CSRNP2: variants seen among roughly 807,000 people sequenced by gnomAD.
CSRNP2 encodes the protein cysteine and serine rich nuclear protein 2.
A neutral mutation model predicts 36.6 loss-of-function variants in CSRNP2; 11 were observed. The observed-to-expected ratio is 0.30, with a 90% CI of 0.19 to 0.50. The LOEUF (loss-of-function observed/expected upper bound fraction) is 0.50, where lower values mean the gene tolerates loss of function less well. Among genes scored for constraint, CSRNP2 ranks in the 20% least tolerant of loss-of-function variants. The pLI is 0.98. For missense variants in CSRNP2, 483 were observed against 691.4 expected, an observed-to-expected ratio of 0.70 and a Z score of 3.38; for synonymous variants, 248 against 275.3, an observed-to-expected ratio of 0.90 and a Z score of 0.98.
In CSRNP2 at chr12:51,064,059, G is replaced by A. The variant is rs771239042; in HGVS notation, c.1319C>T (p.Ser440Leu). ...ATCCTTCTCCTTTGGGAAAGAGGCT[G>A]AGCCTTCTTCCGTACCAGGCTCTCC... ...VKGEPGTEEG[S>L]ASFPKEKDLN... Residue 440 changes from serine to leucine, a missense_variant, in exon 5 of 5, where the codon TCA becomes TTA. By Grantham distance (145) the Ser-to-Leu change is moderately radical (BLOSUM62 -2). Around this residue, in one of 2 missense-constraint regions of CSRNP2, gnomAD observed 277 missense variants for 323.6 expected, o/e 0.86. Transcript: ENST00000228515. 1 of 1,614,232 alleles carries A rather than the reference G, an allele frequency of 6.2e-7. No individual in the cohort carries two copies. Among genetic ancestry groups the A allele is most frequent in the Non-Finnish European group, 8.5e-7 (1 of 1,180,032 alleles).
chr12:51,066,402 G>A (rs1938305464), intron 4 of CSRNP2, among the ~76,000 whole-genome samples: 1 of 148,254 alleles, frequency 6.7e-6, no homozygotes, highest in East Asian at 2.0e-4. Flanking sequence ...GCAGCGAGCC[G>A]AGATCACGCG....
At chr12:51,079,997 C>T (rs1165304956) in intron 1 of CSRNP2, among the ~76,000 whole-genome samples, 2 of 137,832 alleles carry the variant, frequency 1.5e-5, no homozygotes, top group African/African-American at 5.3e-5. Flanking sequence ...CGCTTGAACC[C>T]AGGAGGCGGA....
At chr12:51,081,010 C>T (rs1020311995) in intron 1 of CSRNP2, among the ~76,000 whole-genome samples, 13 of 152,046 alleles carry the variant, frequency 8.6e-5, no homozygotes, top group Non-Finnish European at 1.8e-4. Flanking sequence ...AAAATTGGCC[C>T]GGCATGGTGG....
chr12:51,082,064 G>A (rs922660519), intron 1 of CSRNP2, among the ~76,000 whole-genome samples: 1 of 152,218 alleles, frequency 6.6e-6, no homozygotes, highest in African/African-American at 2.4e-5. Context: ...GATGGTCAGG[G>A]CTACCATCTG....
intron 3 of CSRNP2, among the ~76,000 whole-genome samples, chr12:51,069,185 C>T (rs1292663341): frequency 6.6e-6 from 1 of 151,920 alleles, no homozygotes; most frequent in African/African-American, 2.4e-5. Flanking sequence ...CCGTGTTAGC[C>T]AGGATGGTCT....
In CSRNP2 at chr12:51,076,583, G is replaced by A. The variant is rs1238748180; in HGVS notation, c.-22C>T. Reference sequence around the variant, plus strand: ...CCATTGGTTTCAAAGGGGTTTCCTTGGGGAGCCCACCAAGTTGGCCCCAAA... The same window carrying A: ...CCATTGGTTTCAAAGGGGTTTCCTTAGGGAGCCCACCAAGTTGGCCCCAAA... On this transcript the variant is annotated 5_prime_UTR_variant, in exon 2 of 5. Transcript: ENST00000228515. The A allele has an allele frequency of 5.6e-6, 9 of 1,613,354 alleles. No individual in the cohort carries two copies. Among genetic ancestry groups the A allele is most frequent in the Middle Eastern group, 1.7e-4 (1 of 6,048 alleles).
intron 1 of CSRNP2, chr12:51,082,959 C>T (rs905540998): frequency 3.3e-5 from 5 of 152,878 alleles, no homozygotes; most frequent in African/African-American, 1.2e-4. Flanking sequence ...AATTCCCAAC[C>T]ACTCCTCCCA....
rs374177983 is a variant in CSRNP2, at chr12:51,064,451, C to G, written c.927G>C (p.Glu309Asp). Residue 309 changes from glutamate to aspartate, a missense_variant, in exon 5 of 5, where the codon GAG becomes GAC. Physicochemically the swap from Glu to Asp is conservative, Grantham distance 45. Transcript: ENST00000228515. ...CAATGAACTCCTGGAAGTCCTGGGT[C>G]TCAGAGCCCTGTGCTCCTGTCAGGC... Reference protein sequence around the residue: ...SCSLTGAQGSETQDFQEFIAE... With the variant: ...SCSLTGAQGSDTQDFQEFIAE... The G allele has an allele frequency of 6.2e-7, 1 of 1,610,306 alleles. No individual in the cohort carries two copies. The highest frequency in any genetic ancestry group is 8.5e-7 in the Non-Finnish European group (1 of 1,177,570).
At position 51,067,592 on chromosome 12, in the gene CSRNP2, G is replaced by T; in HGVS notation, c.708+81C>A. The T allele has an allele frequency of 1.5e-6, 2 of 1,378,382 alleles. No individual in the cohort carries two copies. Among genetic ancestry groups the T allele is most frequent in the Non-Finnish European group, 1.0e-6 (1 of 989,786 alleles). The allele number at this position is 1,378,382 out of a possible 1,614,324, so 85.4% of individuals were successfully genotyped here. A position where few individuals can be genotyped will look rare whatever the true frequency, so the allele number is the denominator to read the frequency against. ...CCATAGGGAATCCACCCCTGAATGGGCCTCCCATGTTCAGTGGCACCCACA... is the reference window on the plus strand; with the variant it reads ...CCATAGGGAATCCACCCCTGAATGGTCCTCCCATGTTCAGTGGCACCCACA... On this transcript the variant is annotated intron_variant, in intron 4 of 4. Transcript: ENST00000228515. The surrounding 1 kb of genome is among the most constrained non-coding windows in gnomAD (Gnocchi z 4.1).
chr12:51,075,910 C>G (rs1039255547), intron 2 of CSRNP2, among the ~76,000 whole-genome samples: 3 of 152,070 alleles, frequency 2.0e-5, no homozygotes, highest in African/African-American at 4.8e-5. Flanking sequence ...ATTAGGCGGG[C>G]GTGGTGGCAG....
intron 3 of CSRNP2, among the ~76,000 whole-genome samples, chr12:51,068,253 G>A (rs1938606850): frequency 6.6e-6 from 1 of 152,160 alleles, no homozygotes; most frequent in Admixed American, 6.5e-5. Flanking sequence ...CGCCTCCCGG[G>A]TTCAAGCGAT....
rs923309039 is a variant in CSRNP2 at position 51,073,300 on chromosome 12, G to A, written c.411+523C>T. Among the ~76,000 whole-genome samples, 8 of 152,086 alleles carry A rather than the reference G, an allele frequency of 5.3e-5. No individual in the cohort carries two copies. The East Asian group carries it at 1.5e-3, about 29-fold the overall frequency. On this transcript the variant is annotated intron_variant, in intron 3 of 4. Coordinates refer to ENST00000228515, the MANE Select transcript of CSRNP2 (RefSeq NM_030809.3). ...GGGTTTGGGAGGGGGAAATTCTAGG[G>A]AAGCCATTTTGCTATATCTGGTAGA...
rs1026908828 is a variant in CSRNP2 at position 51,063,100 on chromosome 12, A to G, written c.*646T>C. 8 of 152,228 alleles carry G rather than the reference A, an allele frequency of 5.3e-5. No individual in the cohort carries two copies. Among genetic ancestry groups the G allele is most frequent in the African/African-American group, 1.7e-4 (7 of 41,458 alleles). The allele number at this position is 152,228 out of a possible 1,614,324, so 9.4% of individuals were successfully genotyped here. ...TACTTAAGAACATGTGGAAGAAACAATTCAAGTTACAGACCAGGAATCCCC... is the reference window on the plus strand; with the variant it reads ...TACTTAAGAACATGTGGAAGAAACAGTTCAAGTTACAGACCAGGAATCCCC... On this transcript the variant is annotated 3_prime_UTR_variant, in exon 5 of 5. Transcript: ENST00000228515.
At chr12:51,065,812 A>G (rs939790014) in intron 4 of CSRNP2, among the ~76,000 whole-genome samples, 1 of 152,136 alleles carries the variant, frequency 6.6e-6, no homozygotes, top group Non-Finnish European at 1.5e-5. Flanking sequence ...AGAATGACTC[A>G]TTATGGGACT....
chr12:51,079,247 T>TAACATTAGGAGA (rs1347290613), intron 1 of CSRNP2, among the ~76,000 whole-genome samples: 1 of 151,360 alleles, frequency 6.6e-6, no homozygotes, highest in Non-Finnish European at 1.5e-5. Context: ...CGGGGAGGGA[T>TAACATTAGGAGA]TATACCTAAT....
intron 3 of CSRNP2, among the ~76,000 whole-genome samples, chr12:51,071,234 T>C (rs1939139491): frequency 7.3e-6 from 1 of 137,688 alleles, no homozygotes. Flanking sequence ...CACTCCAGCC[T>C]GGGCAACGGA....
At position 51,067,686 on chromosome 12, in the gene CSRNP2, C is replaced by T; in HGVS notation, c.695G>A (p.Gly232Glu). 1 of 1,613,472 alleles carries T rather than the reference C, an allele frequency of 6.2e-7. No homozygotes were observed. The highest frequency in any genetic ancestry group is 8.5e-7 in the Non-Finnish European group (1 of 1,179,552). Residue 232 changes from glycine (G) to glutamate (E), a missense_variant, in exon 4 of 5, where the codon GGG (glycine) becomes GAG (glutamate). Physicochemically the swap from Gly to Glu is moderately conservative, Grantham distance 98 (BLOSUM62 -2). Around this residue, in one of 2 missense-constraint regions of CSRNP2, gnomAD observed 206 missense variants for 367.8 expected, o/e 0.56. Transcript: ENST00000228515. This position sits in a 1 kb window ranked among gnomAD's most constrained non-coding sequence, Gnocchi z 4.1. ...ACTTGGACTGACCTGGCATTTAATC[C>T]CAGCCTGGCTGCAGGCACACGCTTC... ...DPEACACSQA[G>E]IKCQVDRMSF...
Position 51,067,839 on chromosome 12 carries a change from T to G in CSRNP2, c.542A>C (p.Lys181Thr). Residue 181 changes from lysine (K) to threonine (T), a missense_variant, in exon 4 of 5, where the codon AAA (lysine) becomes ACA (threonine). By Grantham distance (78) the Lys-to-Thr change is moderately conservative. Around this residue, in one of 2 missense-constraint regions of CSRNP2, gnomAD observed 206 missense variants for 367.8 expected, o/e 0.56. Coordinates refer to ENST00000228515, the MANE Select transcript of CSRNP2 (RefSeq NM_030809.3). The surrounding 1 kb of genome is among the most constrained non-coding windows in gnomAD (Gnocchi z 4.1). Reference protein sequence around the residue: ...DYFFLQPLPTKRRRALLRASG... With the variant: ...DYFFLQPLPTTRRRALLRASG... ...AGCCCTCAGCAGGGCCCGTCGCCGT[T>G]TGGTGGGCAGAGGCTGCAGGAAGAA... 6.2e-7 allele frequency: 1 copy of G among 1,614,198 alleles called. No homozygotes were observed. Among genetic ancestry groups the G allele is most frequent in the Non-Finnish European group, 8.5e-7 (1 of 1,180,038 alleles).
At chr12:51,079,526 G>T (rs1176066436) in intron 1 of CSRNP2, among the ~76,000 whole-genome samples, 6 of 151,452 alleles carry the variant, frequency 4.0e-5, no homozygotes, top group Admixed American at 2.6e-4. Flanking sequence ...ACTTTGGGAG[G>T]CCGAGGCGGG....
Sources: allele counts gnomAD v4.1 joint callset (sites outside exome capture counted in the v4.1 genomes callset), GRCh38; gene constraint gnomAD v4.1.1; regional missense constraint gnomAD v4.1.1; non-coding constraint Gnocchi (gnomAD v3.1); transcripts MANE v1.5; gene names NCBI Gene and HGNC (gene_info 2026-07-23, HGNC 2026-07-21).